The following CSMD1 variants were observed in gnomAD, a reference collection of about 807,000 sequenced individuals.
CSMD1 encodes the protein CUB and sushi domain-containing protein 1.
Under a neutral mutation model 417.5 loss-of-function variants are expected in CSMD1, and 213 were observed. That is an observed-to-expected ratio of 0.51 (90% confidence interval 0.46 to 0.57). The LOEUF is 0.57. Ranked by LOEUF, CSMD1 falls within the 20% of genes least tolerant of loss-of-function variation. The pLI, the probability that CSMD1 is intolerant of heterozygous loss-of-function variation, is 0.00. For synonymous variants in CSMD1, 2,862 were observed against 1,736.8 expected (o/e 1.65, Z -16.11); for missense variants, 6,923 against 4,529.7 (o/e 1.53, Z -15.17).
At chr8:3,371,587 C>T (rs552689303) in intron 18 of CSMD1, among the ~76,000 whole-genome samples, 1 of 151,898 alleles carries the variant, frequency 6.6e-6, no homozygotes, top group East Asian at 1.9e-4. Context: ...AGAATAACTT[C>T]TTCCAATTAG....
At chr8:4,515,864 G>C (rs533241525) in intron 2 of CSMD1, among the ~76,000 whole-genome samples, 8 of 152,240 alleles carry the variant, frequency 5.3e-5, no homozygotes, top group African/African-American at 1.9e-4. Context: ...AAGCCTGCTG[G>C]CACCAAACTC....
At chr8:4,211,911 A>G (rs1467644314) in intron 3 of CSMD1, among the ~76,000 whole-genome samples, 3 of 152,230 alleles carry the variant, frequency 2.0e-5, no homozygotes, top group Non-Finnish European at 4.4e-5. Flanking sequence ...AACATCATCA[A>G]TGTACTATTA....
intron 5 of CSMD1, among the ~76,000 whole-genome samples, chr8:3,886,241 G>A (rs1277783507): frequency 2.6e-5 from 4 of 152,030 alleles, no homozygotes; most frequent in Non-Finnish European, 5.9e-5. Flanking sequence ...TAGAGATGGG[G>A]TTTCACCATG....
chr8:4,312,170 A>G (rs1798620982), intron 3 of CSMD1, among the ~76,000 whole-genome samples: 1 of 151,966 alleles, frequency 6.6e-6, no homozygotes, highest in Non-Finnish European at 1.5e-5. Context: ...ACGTGCATTT[A>G]GTCAGAAGAC....
At position 4,880,913 on chromosome 8, in the gene CSMD1, T is replaced by A. The variant is rs534249283; in HGVS notation, c.85+113419A>T. On this transcript the variant is annotated intron_variant, in intron 1 of 69. Coordinates refer to ENST00000635120, the MANE Select transcript of CSMD1 (RefSeq NM_033225.6). ...AGAATTTAAGAAATGTTACATTCCTTATTTACTATCTTTGGACTTAGCAAA... is the reference window on the plus strand; with the variant it reads ...AGAATTTAAGAAATGTTACATTCCTAATTTACTATCTTTGGACTTAGCAAA... 7.6e-4 allele frequency among the ~76,000 whole-genome samples: 116 copies of A among 152,240 alleles called. 1 individual carries two copies. The highest frequency in any genetic ancestry group is 6.8e-3 in the Middle Eastern group (2 of 294).
At chr8:3,643,471 G>C (rs910117394) in intron 7 of CSMD1, among the ~76,000 whole-genome samples, 2 of 151,970 alleles carry the variant, frequency 1.3e-5, no homozygotes, top group African/African-American at 4.8e-5. Flanking sequence ...GGGAGGCCGA[G>C]GTAGGCGGAT....
chr8:3,406,626 G>C (rs1214353008), intron 14 of CSMD1, among the ~76,000 whole-genome samples: 1 of 152,112 alleles, frequency 6.6e-6, no homozygotes, highest in Non-Finnish European at 1.5e-5. Flanking sequence ...TCTAAGCCTA[G>C]CTATCTTTAT....
intron 7 of CSMD1, among the ~76,000 whole-genome samples, chr8:3,619,191 A>G (rs936437341): frequency 4.6e-5 from 7 of 152,166 alleles, no homozygotes; most frequent in African/African-American, 1.7e-4. Context: ...CTGGGGAAAA[A>G]AATAAAAACA....
At chr8:4,935,123 A>T (rs976497435) in intron 1 of CSMD1, among the ~76,000 whole-genome samples, 1 of 152,236 alleles carries the variant, frequency 6.6e-6, no homozygotes, top group African/African-American at 2.4e-5. Context: ...CTTATAGCTC[A>T]CCACTTTCAA....
In CSMD1 at chr8:4,908,438, A is replaced by G. The variant is rs577562748; in HGVS notation, c.85+85894T>C. Among the ~76,000 whole-genome samples the G allele has an allele frequency of 1.3e-3, 201 of 152,224 alleles. 1 individual carries two copies. The highest frequency in any genetic ancestry group is 2.2e-3 in the Non-Finnish European group (152 of 68,012). On this transcript the variant is annotated intron_variant, in intron 1 of 69. Coordinates refer to ENST00000635120, the MANE Select transcript of CSMD1 (RefSeq NM_033225.6). ...AGCTCCCAGTATATTCCTCAAATCTATCTTTCTCTGCTCTCCTTTTCTTCT... is the reference window on the plus strand; with the variant it reads ...AGCTCCCAGTATATTCCTCAAATCTGTCTTTCTCTGCTCTCCTTTTCTTCT...
intron 3 of CSMD1, among the ~76,000 whole-genome samples, chr8:4,299,663 C>G (rs1203595920): frequency 6.6e-6 from 1 of 152,096 alleles, no homozygotes; most frequent in Non-Finnish European, 1.5e-5. Flanking sequence ...GAGATGGAGT[C>G]TCATTCTGTC....
chr8:3,528,812 A>C (rs1011215647), intron 10 of CSMD1, among the ~76,000 whole-genome samples: 2 of 152,200 alleles, frequency 1.3e-5, no homozygotes, highest in Non-Finnish European at 2.9e-5. Context: ...TAAAATTATT[A>C]CTGGAAATAG....
chr8:4,826,430 A>G (rs1361830684), intron 1 of CSMD1, among the ~76,000 whole-genome samples: 1 of 152,170 alleles, frequency 6.6e-6, no homozygotes, highest in Non-Finnish European at 1.5e-5. Flanking sequence ...GCGCTAACTG[A>G]AATAAGCTAG....
intron 11 of CSMD1, among the ~76,000 whole-genome samples, chr8:3,478,963 A>G (rs1343623886): frequency 6.6e-6 from 1 of 151,950 alleles, no homozygotes; most frequent in Admixed American, 6.6e-5. Flanking sequence ...GGCACTGCAA[A>G]GAGTGGTCCC....
At chr8:4,529,895 TA>T (rs1796706674) in intron 2 of CSMD1, among the ~76,000 whole-genome samples, 2 of 151,048 alleles carry the variant, frequency 1.3e-5, no homozygotes, top group Non-Finnish European at 3.0e-5. Flanking sequence ...TAAATTTATT[TA>T]ATTTTTTTAT....
intron 3 of CSMD1, among the ~76,000 whole-genome samples, chr8:4,232,131 C>CTAT (rs1801769897): frequency 6.6e-6 from 1 of 152,164 alleles, no homozygotes; most frequent in Non-Finnish European, 1.5e-5. Context: ...TTTCACTTTA[C>CTAT]TATTAGTTTC....
intron 3 of CSMD1, among the ~76,000 whole-genome samples, chr8:4,086,235 C>G (rs1348804786): frequency 6.6e-6 from 1 of 152,112 alleles, no homozygotes; most frequent in Non-Finnish European, 1.5e-5. Context: ...GGTACATCTT[C>G]ATGAACAAAG....
chr8:3,761,580 A>C (rs185825047), intron 5 of CSMD1, among the ~76,000 whole-genome samples: 2,476 of 139,226 alleles, frequency 0.018, 45 homozygotes, highest in Non-Finnish European at 0.025. Flanking sequence ...ATCTCAGCTC[A>C]CTGCATCCTC....
intron 52 of CSMD1, among the ~76,000 whole-genome samples, chr8:3,005,646 T>C (rs1436658590): frequency 6.6e-6 from 1 of 152,172 alleles, no homozygotes; most frequent in Non-Finnish European, 1.5e-5. Flanking sequence ...TAATCCAGCA[T>C]ATAAACAGAG....
Sources: gnomAD v4.1 joint callset for allele counts (sites outside exome capture counted in the v4.1 genomes callset) on GRCh38, gnomAD v4.1.1 for gene constraint, MANE v1.5 for transcripts, NCBI Gene and HGNC (gene_info 2026-07-23, HGNC 2026-07-21) for gene names.